The following GRID2 variants were observed in gnomAD, a reference collection of about 807,000 sequenced individuals.
The protein encoded by GRID2 is glutamate receptor ionotropic, delta-2.
In GRID2, 33 loss-of-function variants were observed where a neutral mutation model predicts 114.8. That is an observed-to-expected ratio of 0.29 (90% CI 0.22 to 0.38). The LOEUF (loss-of-function observed/expected upper bound fraction) is 0.38. GRID2 is among the 10% of genes least tolerant of loss of function. GRID2 has a pLI of 1.00. For synonymous variants in GRID2, 505 were observed against 449.9 expected, an observed-to-expected ratio of 1.12 and a Z score of -1.55; for missense variants, 1,184 against 1,257.7, an observed-to-expected ratio of 0.94 and a Z score of 0.89.
At chr4:92,920,358 A>C (rs1050413235) in intron 2 of GRID2, among the ~76,000 whole-genome samples, 3 of 152,156 alleles carry the variant, frequency 2.0e-5, no homozygotes, top group Non-Finnish European at 2.9e-5. Flanking sequence ...TTTAAAATTC[A>C]TATTGTTATG....
intron 2 of GRID2, among the ~76,000 whole-genome samples, chr4:92,760,105 T>C (rs946236501): frequency 1.3e-5 from 2 of 151,196 alleles, no homozygotes; most frequent in Admixed American, 1.3e-4. Flanking sequence ...CCAGGTGTGG[T>C]GGCATATGCC....
intron 2 of GRID2, among the ~76,000 whole-genome samples, chr4:93,065,224 A>G (rs1017648964): frequency 1.3e-5 from 2 of 151,886 alleles, no homozygotes; most frequent in African/African-American, 2.4e-5. Flanking sequence ...TAGTTTTAAA[A>G]TTTCAGAAAC....
At chr4:92,526,128 A>G (rs539201125) in intron 1 of GRID2, among the ~76,000 whole-genome samples, 10 of 152,092 alleles carry the variant, frequency 6.6e-5, no homozygotes, top group African/African-American at 2.2e-4. Flanking sequence ...GAAGAAGGGA[A>G]AAAGGGAGGC....
At chr4:92,585,646 C>T (rs1348758567) in intron 1 of GRID2, among the ~76,000 whole-genome samples, 7 of 151,820 alleles carry the variant, frequency 4.6e-5, no homozygotes, top group African/African-American at 1.7e-4. Flanking sequence ...TGGAAAATTT[C>T]TTCAAGATAT....
intron 4 of GRID2, among the ~76,000 whole-genome samples, chr4:93,138,415 G>A (rs1035152717): frequency 1.3e-5 from 2 of 151,996 alleles, no homozygotes; most frequent in Non-Finnish European, 2.9e-5. Flanking sequence ...TACTACTTAT[G>A]TTTGTACCAC....
At chr4:92,731,561 A>G (rs1355665732) in intron 2 of GRID2, among the ~76,000 whole-genome samples, 1 of 151,932 alleles carries the variant, frequency 6.6e-6, no homozygotes, top group African/African-American at 2.4e-5. Flanking sequence ...CTTATCTTCA[A>G]ACTGATTTTG....
chr4:92,688,837 C>T (rs12511232), intron 2 of GRID2, among the ~76,000 whole-genome samples: 38,904 of 151,986 alleles, frequency 0.26, 5,203 homozygotes, highest in East Asian at 0.43. Flanking sequence ...TAGAAGGTTT[C>T]CAGTGTATTT....
intron 14 of GRID2, among the ~76,000 whole-genome samples, chr4:93,713,906 A>G (rs1728690429): frequency 6.6e-6 from 1 of 152,066 alleles, no homozygotes; most frequent in African/African-American, 2.4e-5. Context: ...TGGTATTCAT[A>G]TGCTTTTTCT....
intron 13 of GRID2, among the ~76,000 whole-genome samples, chr4:93,617,990 C>A (rs539797303): frequency 1.3e-5 from 2 of 152,246 alleles, no homozygotes; most frequent in African/African-American, 4.8e-5. Context: ...CCCCCCCTAA[C>A]CTTCTGTACC....
chr4:92,604,594 G>T (rs1729369041), intron 2 of GRID2, among the ~76,000 whole-genome samples: 1 of 152,076 alleles, frequency 6.6e-6, no homozygotes, highest in Non-Finnish European at 1.5e-5. Flanking sequence ...TTAATAGCTA[G>T]GTGATGGGTT....
intron 13 of GRID2, among the ~76,000 whole-genome samples, chr4:93,516,445 G>T (rs551188815): frequency 6.6e-6 from 1 of 152,078 alleles, no homozygotes; most frequent in African/African-American, 2.4e-5. Flanking sequence ...CTGAGAGCTG[G>T]TGATGCTAAC....
intron 1 of GRID2, among the ~76,000 whole-genome samples, chr4:92,362,244 A>G (rs1579239894): frequency 6.6e-6 from 1 of 152,150 alleles, no homozygotes; most frequent in East Asian, 1.9e-4. Flanking sequence ...ACAGTAGCAA[A>G]TCTTCAAACA....
intron 3 of GRID2, among the ~76,000 whole-genome samples, chr4:93,104,111 C>T (rs1731968309): frequency 6.6e-6 from 1 of 152,004 alleles, no homozygotes; most frequent in Non-Finnish European, 1.5e-5. Context: ...TAATGTTTAG[C>T]TTCCGCTTAT....
At chr4:93,024,227 G>A (rs963551359) in intron 2 of GRID2, among the ~76,000 whole-genome samples, 1 of 151,560 alleles carries the variant, frequency 6.6e-6, no homozygotes, top group African/African-American at 2.4e-5. Flanking sequence ...AATGTATTAT[G>A]CAAACAGGTT....
chr4:92,939,039 C>A (rs1293514060), intron 2 of GRID2, among the ~76,000 whole-genome samples: 1 of 146,768 alleles, frequency 6.8e-6, no homozygotes, highest in Non-Finnish European at 1.5e-5. Flanking sequence ...GTGTGGGTGT[C>A]TTTATAGCAG....
intron 10 of GRID2, among the ~76,000 whole-genome samples, chr4:93,450,628 A>T (rs961093530): frequency 6.6e-6 from 1 of 151,854 alleles, no homozygotes; most frequent in South Asian, 2.1e-4. Context: ...GCTCCATTGT[A>T]TCATCCATCC....
At chr4:93,102,605 A>G (rs563185548) in intron 3 of GRID2, among the ~76,000 whole-genome samples, 2 of 152,108 alleles carry the variant, frequency 1.3e-5, no homozygotes, top group South Asian at 2.1e-4. Context: ...CCCAGGACAC[A>G]TGACCATCCA....
At chr4:93,363,736 A>C (rs1350587988) in intron 8 of GRID2, among the ~76,000 whole-genome samples, 2 of 152,066 alleles carry the variant, frequency 1.3e-5, no homozygotes, top group African/African-American at 4.8e-5. Context: ...ACAATACTAC[A>C]ACAATCTGTT....
chr4:92,697,715 A>T (rs1215505277), intron 2 of GRID2, among the ~76,000 whole-genome samples: 1 of 152,166 alleles, frequency 6.6e-6, no homozygotes, highest in African/African-American at 2.4e-5. Context: ...AGAAAAAAAG[A>T]CTAAGTAAAA....
Sources: gnomAD v4.1 joint callset for allele counts (sites outside exome capture counted in the v4.1 genomes callset) on GRCh38, gnomAD v4.1.1 for gene constraint, MANE v1.5 for transcripts, NCBI Gene and HGNC (gene_info 2026-07-23, HGNC 2026-07-21) for gene names.